PCDH9: variants seen among roughly 807,000 people sequenced by gnomAD.
PCDH9 encodes the protein protocadherin 9.
Under a neutral mutation model 70.6 loss-of-function variants are expected in PCDH9, and 24 were observed. The observed-to-expected ratio is 0.34, with a 90% confidence interval of 0.25 to 0.48. PCDH9 has a LOEUF of 0.48. PCDH9 is among the 20% of genes least tolerant of loss of function. The probability of loss-of-function intolerance (pLI) is 0.99; values close to 1 mark genes in which losing one functional copy is unlikely to be tolerated. For missense variants in PCDH9, 1,281 were observed against 1,503.6 expected (o/e 0.85, Z 2.45); for synonymous variants, 562 against 558.5 (o/e 1.01, Z -0.09).
intron 2 of PCDH9, among the ~76,000 whole-genome samples, chr13:67,019,165 C>A (rs2084623179): frequency 6.7e-6 from 1 of 148,416 alleles, no homozygotes; most frequent in Non-Finnish European, 1.5e-5. Flanking sequence ...GGAGACCCTC[C>A]TTAACACCTT....
intron 4 of PCDH9, among the ~76,000 whole-genome samples, chr13:66,442,006 T>A (rs1957983056): frequency 6.6e-6 from 1 of 152,146 alleles, no homozygotes; most frequent in Non-Finnish European, 1.5e-5. Flanking sequence ...GGGTTTTTAA[T>A]CTGAACTGAA....
chr13:66,856,767 A>G (rs1211143916), intron 3 of PCDH9, among the ~76,000 whole-genome samples: 3 of 152,074 alleles, frequency 2.0e-5, no homozygotes, highest in African/African-American at 7.2e-5. Context: ...GATATTAATA[A>G]TATCTTATGC....
chr13:66,616,730 T>C (rs1276007195), intron 4 of PCDH9, among the ~76,000 whole-genome samples: 3 of 152,088 alleles, frequency 2.0e-5, no homozygotes, highest in African/African-American at 7.2e-5. Context: ...CCAAGCACCA[T>C]GCACCCAAAT....
At chr13:67,161,304 C>A (rs1292932566) in intron 2 of PCDH9, among the ~76,000 whole-genome samples, 1 of 152,198 alleles carries the variant, frequency 6.6e-6, no homozygotes, top group Non-Finnish European at 1.5e-5. Context: ...GGACTGCAAT[C>A]AATAACAGTA....
chr13:66,527,913 G>A (rs971469764), intron 4 of PCDH9, among the ~76,000 whole-genome samples: 2 of 152,092 alleles, frequency 1.3e-5, no homozygotes, highest in Non-Finnish European at 2.9e-5. Context: ...AGCTACTTGG[G>A]AGGCTGAGGC....
chr13:66,829,647 G>A (rs1012170174), intron 3 of PCDH9, among the ~76,000 whole-genome samples: 5 of 143,514 alleles, frequency 3.5e-5, no homozygotes, highest in Non-Finnish European at 6.0e-5. Flanking sequence ...GAACCCGGGA[G>A]GCGGAGCTTG....
intron 4 of PCDH9, among the ~76,000 whole-genome samples, chr13:66,586,589 T>C (rs968786249): frequency 1.2e-4 from 18 of 152,090 alleles, no homozygotes; most frequent in African/African-American, 4.3e-4. Context: ...CAAAATCCAA[T>C]GTAAAAACAC....
chr13:67,171,341 G>A (rs2088279150), intron 2 of PCDH9, among the ~76,000 whole-genome samples: 1 of 152,156 alleles, frequency 6.6e-6, no homozygotes, highest in African/African-American at 2.4e-5. Flanking sequence ...CCAGTTCAGG[G>A]TGGCATTGGA....
chr13:66,405,863 A>G lies in PCDH9; in HGVS notation c.3341-100835T>C, dbSNP rs144764975. Reference sequence around the variant, plus strand: ...TGGTTAATCTAGAGTAATGATTATTAGTGCCCCCTTTTACTCCTCCAAATG... The same window carrying G: ...TGGTTAATCTAGAGTAATGATTATTGGTGCCCCCTTTTACTCCTCCAAATG... On this transcript the variant is annotated intron_variant, in intron 4 of 4. Coordinates refer to ENST00000377865, the MANE Select transcript of PCDH9 (RefSeq NM_203487.3). Among the ~76,000 whole-genome samples, 279 of 152,304 alleles carry G rather than the reference A, an allele frequency of 1.8e-3. 2 individuals carry two copies. Among genetic ancestry groups the G allele is most frequent in the African/African-American group, 6.4e-3 (267 of 41,578 alleles).
At chr13:67,173,072 A>G (rs1013226987) in intron 2 of PCDH9, among the ~76,000 whole-genome samples, 1 of 152,178 alleles carries the variant, frequency 6.6e-6, no homozygotes, top group Non-Finnish European at 1.5e-5. Flanking sequence ...TTACAGCTCC[A>G]GAAACTCAAA....
intron 2 of PCDH9, among the ~76,000 whole-genome samples, chr13:67,025,717 T>C (rs112818125): frequency 1.3e-5 from 2 of 152,240 alleles, no homozygotes; most frequent in African/African-American, 4.8e-5. Context: ...GTTGGGTATG[T>C]CTACTACCTT....
At chr13:66,307,128 A>C (rs563427793) in intron 4 of PCDH9, among the ~76,000 whole-genome samples, 1 of 152,174 alleles carries the variant, frequency 6.6e-6, no homozygotes, top group South Asian at 2.1e-4. Flanking sequence ...TTATTGATGA[A>C]TAACAAATTT....
At chr13:66,473,349 T>C (rs1428903902) in intron 4 of PCDH9, among the ~76,000 whole-genome samples, 1 of 151,842 alleles carries the variant, frequency 6.6e-6, no homozygotes, top group African/African-American at 2.4e-5. Flanking sequence ...CTAATACAAA[T>C]ACGAATTATA....
At chr13:66,440,706 A>G (rs979401063) in intron 4 of PCDH9, among the ~76,000 whole-genome samples, 3 of 152,084 alleles carry the variant, frequency 2.0e-5, no homozygotes, top group African/African-American at 7.2e-5. Context: ...ACCCTGTTGC[A>G]TTTCTTCTTC....
At chr13:67,125,271 T>C (rs1426116202) in intron 2 of PCDH9, among the ~76,000 whole-genome samples, 2 of 152,174 alleles carry the variant, frequency 1.3e-5, no homozygotes, top group Non-Finnish European at 2.9e-5. Flanking sequence ...ATGTTGTATC[T>C]CTGTTGTGAC....
At chr13:66,469,188 C>A (rs1217490183) in intron 4 of PCDH9, among the ~76,000 whole-genome samples, 2 of 152,068 alleles carry the variant, frequency 1.3e-5, no homozygotes, top group Non-Finnish European at 2.9e-5. Context: ...TCCTTCAGAG[C>A]TGCTTATAAA....
rs376776494 is a variant in PCDH9 at position 66,506,956 on chromosome 13, G to T, written c.3340+124254C>A. ...AACCTGGAAGGTTGTAACAAATGAT[G>T]GACAAGTTCTCATTCTTAGGCATTG... On this transcript the variant is annotated intron_variant, in intron 4 of 4. Transcript: ENST00000377865. Among the ~76,000 whole-genome samples, 30 of 152,318 alleles carry T rather than the reference G, an allele frequency of 2.0e-4. 1 individual carries two copies. Among genetic ancestry groups the T allele is most frequent in the Middle Eastern group, 6.8e-3 (2 of 294 alleles).
chr13:67,027,324 C>A (rs1413922077), intron 2 of PCDH9, among the ~76,000 whole-genome samples: 3 of 152,158 alleles, frequency 2.0e-5, no homozygotes, highest in Non-Finnish European at 2.9e-5. Flanking sequence ...AAAGGATTCC[C>A]TATTTAATAA....
Position 66,363,041 on chromosome 13 carries a change from C to T in PCDH9, c.3341-58013G>A, listed in dbSNP as rs561687365. Among the ~76,000 whole-genome samples, 273 of 152,002 alleles carry T rather than the reference C, an allele frequency of 1.8e-3. 2 individuals are homozygous for T. The highest frequency in any genetic ancestry group is 2.0e-3 in the Non-Finnish European group (136 of 67,962). ...ACTAAAAATACAAATTAGCCGTGTG[C>T]GGTGGCACACGCCTGTAATCTCAGC... On this transcript the variant is annotated intron_variant, in intron 4 of 4. Coordinates refer to ENST00000377865, the MANE Select transcript of PCDH9 (RefSeq NM_203487.3).
Sources: allele counts gnomAD v4.1 joint callset (sites outside exome capture counted in the v4.1 genomes callset), GRCh38; gene constraint gnomAD v4.1.1; transcripts MANE v1.5; gene names NCBI Gene and HGNC (gene_info 2026-07-23, HGNC 2026-07-21).